The following STK32B variants were observed in gnomAD, a reference collection of about 807,000 sequenced individuals.
STK32B encodes serine/threonine-protein kinase 32B.
A neutral mutation model predicts 52.6 loss-of-function variants in STK32B; 43 were observed. That is an observed-to-expected ratio of 0.82 (90% CI 0.64 to 1.05). The LOEUF (loss-of-function observed/expected upper bound fraction) is 1.05, where lower values mean the gene tolerates loss of function less well. STK32B is among the 50% of genes least tolerant of loss of function. STK32B has a pLI of 0.00. For synonymous variants in STK32B, 238 were observed against 204.3 expected (o/e 1.17, Z -1.41); for missense variants, 621 against 534.6 (o/e 1.16, Z -1.59).
intron 4 of STK32B, among the ~76,000 whole-genome samples, chr4:5,355,968 G>T (rs1401833773): frequency 1.3e-5 from 2 of 152,142 alleles, no homozygotes; most frequent in African/African-American, 4.8e-5. Flanking sequence ...TTAGGACTCA[G>T]CACCTTCAGA....
At chr4:5,454,920 A>C (rs1387184569) in intron 7 of STK32B, among the ~76,000 whole-genome samples, 1 of 152,226 alleles carries the variant, frequency 6.6e-6, no homozygotes, top group Non-Finnish European at 1.5e-5. Context: ...AGATTAAAAA[A>C]AATTGAAGAA....
intron 1 of STK32B, among the ~76,000 whole-genome samples, chr4:5,085,041 C>T (rs1712643399): frequency 6.6e-6 from 1 of 152,186 alleles, no homozygotes; most frequent in East Asian, 1.9e-4. Context: ...CCAGAATGTA[C>T]TCTGAGACAC....
intron 6 of STK32B, among the ~76,000 whole-genome samples, chr4:5,445,639 C>T (rs534931300): frequency 2.0e-5 from 3 of 152,218 alleles, no homozygotes; most frequent in Admixed American, 6.5e-5. Context: ...CCATCCCCTT[C>T]GCTGTATTTT....
chr4:5,030,873 A>G, the STK32B span, among the ~76,000 whole-genome samples: 2 of 152,104 alleles, frequency 1.3e-5, no homozygotes, highest in Non-Finnish European at 2.9e-5. Context: ...GAATGTGTGT[A>G]TGTATAGACA....
chr4:5,374,776 G>T (rs1034952074), intron 4 of STK32B, among the ~76,000 whole-genome samples: 8 of 149,684 alleles, frequency 5.3e-5, no homozygotes, highest in Admixed American at 2.6e-4. Context: ...ATATTGACGG[G>T]GGCGGGGGGG....
At chr4:5,265,410 A>C (rs1726995355) in intron 3 of STK32B, among the ~76,000 whole-genome samples, 1 of 152,220 alleles carries the variant, frequency 6.6e-6, no homozygotes, top group African/African-American at 2.4e-5. Flanking sequence ...GCCCACATGG[A>C]ATAAGACTTG....
intron 3 of STK32B, among the ~76,000 whole-genome samples, chr4:5,303,629 G>C (rs888189045): frequency 3.3e-5 from 5 of 151,974 alleles, no homozygotes; most frequent in African/African-American, 1.2e-4. Flanking sequence ...GTCACTCTAT[G>C]GGTTCTCTGT....
chr4:5,492,385 T>C (rs1577060591), intron 11 of STK32B, among the ~76,000 whole-genome samples: 1 of 152,232 alleles, frequency 6.6e-6, no homozygotes, highest in South Asian at 2.1e-4. Flanking sequence ...TTGTCTGGTA[T>C]TGGTGTATAA....
chr4:5,019,933 G>A, the STK32B span, among the ~76,000 whole-genome samples: 1 of 152,178 alleles, frequency 6.6e-6, no homozygotes, highest in Non-Finnish European at 1.5e-5. Context: ...GCAGCCCGCA[G>A]TGGAGCAGGG....
intron 3 of STK32B, among the ~76,000 whole-genome samples, chr4:5,212,378 TTTTCCCTACTGTC>T (rs1722958189): frequency 6.6e-6 from 1 of 152,130 alleles, no homozygotes; most frequent in Non-Finnish European, 1.5e-5. Flanking sequence ...AACAAGCAAT[TTTTCCCTACTGTC>T]TGTGGGCTTA....
chr4:5,338,899 A>G (rs570518982), intron 4 of STK32B, among the ~76,000 whole-genome samples: 1 of 152,330 alleles, frequency 6.6e-6, no homozygotes, highest in Admixed American at 6.5e-5. Flanking sequence ...AGTGCTGGTG[A>G]AACATTACTT....
intron 2 of STK32B, among the ~76,000 whole-genome samples, chr4:5,145,646 A>G (rs896380002): frequency 6.6e-6 from 1 of 152,214 alleles, no homozygotes; most frequent in Non-Finnish European, 1.5e-5. Context: ...TAAATTTTTC[A>G]GCATAATGTT....
chr4:5,234,977 T>C (rs191019140), intron 3 of STK32B, among the ~76,000 whole-genome samples: 1 of 152,354 alleles, frequency 6.6e-6, no homozygotes, highest in East Asian at 1.9e-4. Flanking sequence ...CTGAGAACTT[T>C]CCATAAACCA....
rs1199442721 is a variant in STK32B, at chr4:5,137,476, T to C, written c.53-2429T>C. ...CCACGGATGTGTAAGGTATCCCAACTGGAAGAAACCAGAAAAGAGGGAGGG... is the reference window on the plus strand; with the variant it reads ...CCACGGATGTGTAAGGTATCCCAACCGGAAGAAACCAGAAAAGAGGGAGGG... On this transcript the variant is annotated intron_variant, in intron 1 of 11. Transcript: ENST00000282908. 2.6e-5 allele frequency among the ~76,000 whole-genome samples: 4 copies of C among 152,146 alleles called. No individual in the cohort carries two copies. The East Asian group carries it at 7.7e-4, about 29-fold the overall frequency.
chr4:5,436,562 A>T (rs1312516436), intron 6 of STK32B: 11 of 985,200 alleles, frequency 1.1e-5, no homozygotes, highest in Non-Finnish European at 1.3e-5. Flanking sequence ...CTCTGGGTCC[A>T]GAGGCCCAGC....
chr4:5,408,465 G>A (rs1265351711), intron 5 of STK32B, among the ~76,000 whole-genome samples: 1 of 152,104 alleles, frequency 6.6e-6, no homozygotes, highest in African/African-American at 2.4e-5. Context: ...CAGAAACCAA[G>A]GAGGTGCCAC....
At chr4:5,243,826 A>G (rs889674762) in intron 3 of STK32B, among the ~76,000 whole-genome samples, 4 of 152,086 alleles carry the variant, frequency 2.6e-5, no homozygotes, top group African/African-American at 9.7e-5. Context: ...TTCTGCATCT[A>G]TTGAGATAAT....
At chr4:5,033,372 G>A in the STK32B span, among the ~76,000 whole-genome samples, 1 of 152,192 alleles carries the variant, frequency 6.6e-6, no homozygotes, top group Non-Finnish European at 1.5e-5. Context: ...GGGAAGGTAA[G>A]GCTTCCTCCC....
chr4:5,162,223 G>C (rs558609382), intron 2 of STK32B, among the ~76,000 whole-genome samples: 1 of 152,162 alleles, frequency 6.6e-6, no homozygotes, highest in African/African-American at 2.4e-5. Flanking sequence ...TTAGAGCCCT[G>C]ACCATAAAGG....
Sources: allele counts gnomAD v4.1 joint callset (sites outside exome capture counted in the v4.1 genomes callset), GRCh38; gene constraint gnomAD v4.1.1; transcripts MANE v1.5; gene names NCBI Gene and HGNC (gene_info 2026-07-23, HGNC 2026-07-21).